The following VKORC1L1 variants were observed in gnomAD, a reference collection of about 807,000 sequenced individuals.
VKORC1L1 encodes vitamin K epoxide reductase complex subunit 1-like protein 1.
In VKORC1L1, 2 loss-of-function variants were observed where a neutral mutation model predicts 18.9. That is an observed-to-expected ratio of 0.11 (90% CI 0.04 to 0.33). VKORC1L1 has a LOEUF of 0.33. VKORC1L1 is among the 10% of genes least tolerant of loss of function. The pLI is 1.00. For missense variants in VKORC1L1, 123 were observed against 224.1 expected, an observed-to-expected ratio of 0.55 and a Z score of 2.88; for synonymous variants, 96 against 100.0, an observed-to-expected ratio of 0.96 and a Z score of 0.24.
At chr7:65,915,126 G>C (rs6950263) in intron 1 of VKORC1L1, among the ~76,000 whole-genome samples, 73,668 of 137,360 alleles carry the variant, frequency 0.54, 19,830 homozygotes, top group East Asian at 0.8. Flanking sequence ...GAGTCTCACT[G>C]TGTTGCCCAG....
chr7:65,882,185 G>A (rs1230168698), intron 1 of VKORC1L1, among the ~76,000 whole-genome samples: 1 of 152,038 alleles, frequency 6.6e-6, no homozygotes, highest in Non-Finnish European at 1.5e-5. Context: ...TTGGAGACCA[G>A]CCTGACCAAC....
intron 1 of VKORC1L1, among the ~76,000 whole-genome samples, chr7:65,916,018 G>A (rs1789583180): frequency 6.6e-6 from 1 of 151,706 alleles, no homozygotes; most frequent in Admixed American, 6.6e-5. Context: ...GGCTGAGGCG[G>A]GAGAATCGCT....
At chr7:65,943,021 A>G (rs1790062175) in intron 1 of VKORC1L1, among the ~76,000 whole-genome samples, 1 of 152,238 alleles carries the variant, frequency 6.6e-6, no homozygotes, top group African/African-American at 2.4e-5. Context: ...ATAAGTACAA[A>G]TTATGGTATA....
intron 1 of VKORC1L1, among the ~76,000 whole-genome samples, chr7:65,933,073 G>A (rs1233548178): frequency 7.3e-5 from 8 of 109,942 alleles, no homozygotes; most frequent in Non-Finnish European, 1.2e-4. Flanking sequence ...ATAAGACTTC[G>A]TCTCAAAAAA....
upstream of VKORC1L1, among the ~76,000 whole-genome samples, chr7:65,871,839 C>A (rs71564938): frequency 0.11 from 17,347 of 151,716 alleles, 1,131 homozygotes; most frequent in Middle Eastern, 0.2. Context: ...ACACAGCTAA[C>A]CTCACCCAGA....
Position 65,873,325 on chromosome 7 carries a change from C to CGGA in VKORC1L1, c.-45_-44insAGG. ...TGGGTCGGGCCCCGACGGGCGGCGGCGGCTGAGGTGGAGGCGGAGGGAGGC... is the reference window on the plus strand; with the variant it reads ...TGGGTCGGGCCCCGACGGGCGGCGGCGGAGGCTGAGGTGGAGGCGGAGGGAGGC... On this transcript the variant is annotated 5_prime_UTR_variant, in exon 1 of 3. Coordinates refer to ENST00000360768, the MANE Select transcript of VKORC1L1 (RefSeq NM_173517.6). 3 of 1,360,828 alleles carry CGGA rather than the reference C, an allele frequency of 2.2e-6. No individual in the cohort carries two copies. Among genetic ancestry groups the CGGA allele is most frequent in the Non-Finnish European group, 2.9e-6 (3 of 1,047,244 alleles). The allele number at this position is 1,360,828 out of a possible 1,614,324, so 84.3% of individuals were successfully genotyped here. A position where few individuals can be genotyped will look rare whatever the true frequency, so the allele number is the denominator to read the frequency against.
In VKORC1L1 at chr7:65,959,426, AC is replaced by A. The variant is rs1315966409; in HGVS notation, c.*5127del. The A allele has an allele frequency of 6.6e-6, 1 of 152,272 alleles. No homozygotes were observed. The highest frequency in any genetic ancestry group is 1.5e-5 in the Non-Finnish European group (1 of 68,050). 9.4% of individuals were successfully genotyped at this position (152,272 alleles called of 1,614,324 possible). ...TCATTATACTTTGACATACTGGAAC[AC>A]AAAACTTGATTCCTTTGAAAAACTA... On this transcript the variant is annotated 3_prime_UTR_variant, in exon 3 of 3. Coordinates refer to ENST00000360768, the MANE Select transcript of VKORC1L1 (RefSeq NM_173517.6).
At chr7:65,911,741 TTTC>T in intron 1 of VKORC1L1, among the ~76,000 whole-genome samples, 1 of 152,302 alleles carries the variant, frequency 6.6e-6, no homozygotes, top group South Asian at 2.1e-4. Context: ...CCTATACAAC[TTTC>T]TAAACACTTA....
At chr7:65,904,987 G>C (rs1052709626) in intron 1 of VKORC1L1, among the ~76,000 whole-genome samples, 1 of 151,570 alleles carries the variant, frequency 6.6e-6, no homozygotes, top group Non-Finnish European at 1.5e-5. Flanking sequence ...ATACATGCAC[G>C]TGTATATACA....
chr7:65,931,982 G>A (rs189452840), intron 1 of VKORC1L1, among the ~76,000 whole-genome samples: 2 of 151,888 alleles, frequency 1.3e-5, no homozygotes, highest in Non-Finnish European at 1.5e-5. Flanking sequence ...ACCAGCCTTT[G>A]GTTTCATTTA....
chr7:65,877,350 C>CTTT (rs796646643), intron 1 of VKORC1L1, among the ~76,000 whole-genome samples: 2 of 144,078 alleles, frequency 1.4e-5, no homozygotes, highest in Non-Finnish European at 1.5e-5. Context: ...GCAGAATATT[C>CTTT]TTTTTTTTTT....
rs187028660 is a variant in VKORC1L1 at position 65,894,337 on chromosome 7, A to T, written c.194+20772A>T. On this transcript the variant is annotated intron_variant, in intron 1 of 2. Transcript: ENST00000360768. ...ATTGAATCCTCTGATTCATAGACAT[A>T]ATTTCTCCATGTGTTTTGAACTTTA... Among the ~76,000 whole-genome samples the T allele has an allele frequency of 1.9e-3, 286 of 152,228 alleles. 3 individuals are homozygous for T. Among genetic ancestry groups the T allele is most frequent in the African/African-American group, 6.7e-3 (279 of 41,512 alleles).
intron 2 of VKORC1L1, among the ~76,000 whole-genome samples, chr7:65,950,731 T>A: frequency 6.6e-6 from 1 of 152,252 alleles, no homozygotes; most frequent in East Asian, 1.9e-4. Context: ...AGATCTATGT[T>A]TATATCCTAG....
intron 1 of VKORC1L1, among the ~76,000 whole-genome samples, chr7:65,902,720 T>C (rs73142155): frequency 0.31 from 47,442 of 151,910 alleles, 8,677 homozygotes; most frequent in East Asian, 0.47. Flanking sequence ...GGCAACCCAT[T>C]ATAAAGAGAA....
At chr7:65,877,214 T>C (rs1788844407) in intron 1 of VKORC1L1, among the ~76,000 whole-genome samples, 1 of 152,264 alleles carries the variant, frequency 6.6e-6, no homozygotes, top group Admixed American at 6.5e-5. Context: ...AGTATAAGTT[T>C]CTTGTACATA....
chr7:65,900,698 G>A (rs1231363304), intron 1 of VKORC1L1, among the ~76,000 whole-genome samples: 9 of 152,060 alleles, frequency 5.9e-5, no homozygotes, highest in Non-Finnish European at 1.0e-4. Context: ...CCAGCTACTC[G>A]GGAGGCTAAG....
intron 1 of VKORC1L1, among the ~76,000 whole-genome samples, chr7:65,931,773 C>G (rs1789862453): frequency 6.6e-6 from 1 of 152,058 alleles, no homozygotes; most frequent in South Asian, 2.1e-4. Flanking sequence ...TGCAGAATAG[C>G]TGGGATTACA....
chr7:65,883,632 T>C (rs1788964797), intron 1 of VKORC1L1, among the ~76,000 whole-genome samples: 1 of 152,012 alleles, frequency 6.6e-6, no homozygotes, highest in Admixed American at 6.6e-5. Flanking sequence ...CCCGAGTAGC[T>C]GGGATTACAG....
At chr7:65,919,338 T>C (rs1020037101) in intron 1 of VKORC1L1, among the ~76,000 whole-genome samples, 2 of 152,240 alleles carry the variant, frequency 1.3e-5, no homozygotes, top group African/African-American at 4.8e-5. Flanking sequence ...AAAATTTTTA[T>C]TTCTAACTTA....
Sources: gnomAD v4.1 joint callset for allele counts (sites outside exome capture counted in the v4.1 genomes callset) on GRCh38, gnomAD v4.1.1 for gene constraint, MANE v1.5 for transcripts, NCBI Gene and HGNC (gene_info 2026-07-23, HGNC 2026-07-21) for gene names.